Variants in AP1AR observed in about 807,000 individuals in gnomAD.
AP1AR encodes the protein AP-1 complex-associated regulatory protein.
In AP1AR, 29 loss-of-function variants were observed where a neutral mutation model predicts 46.3. The observed-to-expected ratio is 0.63, with a 90% CI of 0.47 to 0.85. The LOEUF (loss-of-function observed/expected upper bound fraction) is 0.85. Ranked by LOEUF, AP1AR falls within the 40% of genes least tolerant of loss-of-function variation. The pLI is 0.00. For missense variants in AP1AR, 357 were observed against 356.3 expected (o/e 1.00, Z -0.02); for synonymous variants, 122 against 122.9 (o/e 0.99, Z 0.05).
At chr4:112,252,752 A>G (rs561326633) in intron 1 of AP1AR, among the ~76,000 whole-genome samples, 6 of 152,374 alleles carry the variant, frequency 3.9e-5, no homozygotes, top group East Asian at 3.9e-4. Context: ...TTCCACCACC[A>G]AAGATAACTA....
chr4:112,268,713 T>C lies in AP1AR; in HGVS notation c.*304T>C, dbSNP rs904764346. 4.7e-6 allele frequency: 1 copy of C among 212,920 alleles called. No individual in the cohort carries two copies. Among genetic ancestry groups the C allele is most frequent in the African/African-American group, 2.3e-5 (1 of 43,828 alleles). The allele number at this position is 212,920 out of a possible 1,614,324, so 13.2% of individuals were successfully genotyped here. ...TACTATGGTAGATTTCCACTTTCAA[T>C]TTTTAAAATTAATTTTACTTTGAAT... On this transcript the variant is annotated 3_prime_UTR_variant, in exon 10 of 10. Transcript: ENST00000274000.
At chr4:112,262,455 G>A (rs1430087995) in intron 5 of AP1AR, among the ~76,000 whole-genome samples, 1 of 152,176 alleles carries the variant, frequency 6.6e-6, no homozygotes. Flanking sequence ...TATTACTAAA[G>A]CAGCTTATGT....
chr4:112,254,155 T>C (rs913797924), intron 2 of AP1AR, among the ~76,000 whole-genome samples: 2 of 152,228 alleles, frequency 1.3e-5, no homozygotes, highest in African/African-American at 4.8e-5. Context: ...TTTAGTGATA[T>C]AATAGTAATG....
At chr4:112,263,431 A>G (rs965379934) in intron 6 of AP1AR, among the ~76,000 whole-genome samples, 1 of 151,960 alleles carries the variant, frequency 6.6e-6, no homozygotes, top group Non-Finnish European at 1.5e-5. Flanking sequence ...CTAGCCTTTA[A>G]ATATAATTGG....
In AP1AR at chr4:112,269,151, CTT is replaced by C. The variant is rs1489951639; in HGVS notation, c.*744_*745del. 6.6e-6 allele frequency: 1 copy of C among 151,042 alleles called. No individual in the cohort carries two copies. Among genetic ancestry groups the C allele is most frequent in the African/African-American group, 2.4e-5 (1 of 41,018 alleles). The allele number at this position is 151,042 out of a possible 1,614,324, so 9.4% of individuals were successfully genotyped here. ...TTCATTTTACATGCCACTATATTGACTTTAATTGATATACAGTATTAAGTTTT... is the reference window on the plus strand; with the variant it reads ...TTCATTTTACATGCCACTATATTGACTAATTGATATACAGTATTAAGTTTT... On this transcript the variant is annotated 3_prime_UTR_variant, in exon 10 of 10. Transcript: ENST00000274000.
intron 1 of AP1AR, among the ~76,000 whole-genome samples, chr4:112,251,442 C>T (rs868482059): frequency 2.6e-5 from 4 of 152,188 alleles, no homozygotes; most frequent in African/African-American, 4.8e-5. Flanking sequence ...ACCTTGGTTT[C>T]GACAATGTTC....
chr4:112,263,218 ATTC>A (rs1012113475), intron 6 of AP1AR, 132 bp downstream of exon 6: 3 of 638,036 alleles, frequency 4.7e-6, no homozygotes, highest in African/African-American at 3.7e-5. Context: ...TTACCCATAT[ATTC>A]TTAAGAATTT....
At chr4:112,245,431 C>T (rs1725687874) in intron 1 of AP1AR, among the ~76,000 whole-genome samples, 1 of 152,144 alleles carries the variant, frequency 6.6e-6, no homozygotes, top group Non-Finnish European at 1.5e-5. Flanking sequence ...TATTTATCTA[C>T]ACTTGACCTT....
chr4:112,270,419 CAGTT>C lies in AP1AR; in HGVS notation c.*2013_*2016del, dbSNP rs774381754. The stretch of plus-strand genomic sequence containing the variant: ...ATACATGCAAGAAAATCACAGGTCA[CAGTT>C]AGAAAATATACAAGATTATAGGAGA... On this transcript the variant is annotated 3_prime_UTR_variant, in exon 10 of 10. Transcript: ENST00000274000. Among the ~76,000 whole-genome samples, 2 of 152,102 alleles carry C rather than the reference CAGTT, an allele frequency of 1.3e-5. No individual in the cohort carries two copies. The highest frequency in any genetic ancestry group is 2.9e-5 in the Non-Finnish European group (2 of 68,034).
intron 1 of AP1AR, among the ~76,000 whole-genome samples, chr4:112,248,199 A>C (rs1340305404): frequency 6.6e-6 from 1 of 152,220 alleles, no homozygotes; most frequent in Non-Finnish European, 1.5e-5. Flanking sequence ...TTTGTCTAAC[A>C]AATCAGTGGC....
Position 112,254,748 on chromosome 4 carries a change from T to G in AP1AR, c.134T>G (p.Phe45Cys), listed in dbSNP as rs776379226. 1 of 1,507,014 alleles carries G rather than the reference T, an allele frequency of 6.6e-7. No individual in the cohort carries two copies. 93.4% of individuals were successfully genotyped at this position (1,507,014 alleles called of 1,614,324 possible). Residue 45 changes from phenylalanine (F) to cysteine (C), a missense_variant and splice_region_variant, in exon 3 of 10, where the codon TTT becomes TGT. Phe to Cys is a radical substitution (Grantham distance 205, BLOSUM62 -2). Transcript: ENST00000274000. ...ACGCTTACTTTTTTGTCCTTTCAGT[T>G]TGAGAATCTAGTAGAAAGTGATGAA... ...CSRGEHLTIE[F>C]ENLVESDEGE...
At chr4:112,243,981 A>T (rs1429472984) in intron 1 of AP1AR, among the ~76,000 whole-genome samples, 1 of 152,298 alleles carries the variant, frequency 6.6e-6, no homozygotes, top group East Asian at 1.9e-4. Context: ...TTGATGTGAA[A>T]TGCAATCTAA....
At chr4:112,250,313 G>T (rs1725900003) in intron 1 of AP1AR, among the ~76,000 whole-genome samples, 1 of 152,182 alleles carries the variant, frequency 6.6e-6, no homozygotes, top group African/African-American at 2.4e-5. Context: ...AATATGGAAA[G>T]ATTTGAGTTT....
intron 1 of AP1AR, among the ~76,000 whole-genome samples, chr4:112,239,193 A>G (rs904916506): frequency 1.3e-5 from 2 of 152,196 alleles, no homozygotes; most frequent in East Asian, 3.9e-4. Context: ...AAGGAAAGCA[A>G]CATGAAACCT....
rs145829842 is a variant in AP1AR at position 112,268,326 on chromosome 4, G to A, written c.826G>A (p.Glu276Lys). 4.3e-5 allele frequency: 70 copies of A among 1,612,892 alleles called. No individual in the cohort carries two copies. In the African/African-American group the frequency reaches 4.5e-4, roughly 10 times the overall value. The part of the protein sequence containing the change: ...SAEMDDNGNS[E>K]YSGFVNPVLE... The stretch of plus-strand genomic sequence containing the variant: ...CGAAATGGATGATAATGGAAATTCC[G>A]AGTATTCTGGATTTGTAAATCCTGT... Residue 276 changes from glutamate (E) to lysine (K), a missense_variant, in exon 10 of 10, where the codon GAG (glutamate) becomes AAG (lysine). Physicochemically the swap from Glu to Lys is moderately conservative, Grantham distance 56. This residue lies in a region of AP1AR where 88 missense variants were observed against 132.7 expected (regional missense o/e 0.66). Coordinates refer to ENST00000274000, the MANE Select transcript of AP1AR (RefSeq NM_018569.6).
chr4:112,248,560 G>A (rs1037917629), intron 1 of AP1AR, among the ~76,000 whole-genome samples: 2 of 152,130 alleles, frequency 1.3e-5, no homozygotes, highest in African/African-American at 4.8e-5. Flanking sequence ...TGATCAGGAA[G>A]TAGTAACTTT....
chr4:112,232,442 A>G (rs1725055256), intron 1 of AP1AR, among the ~76,000 whole-genome samples: 1 of 152,226 alleles, frequency 6.6e-6, no homozygotes, highest in Non-Finnish European at 1.5e-5. Context: ...CACGGGAGAC[A>G]TCATCTCCAG....
chr4:112,261,517 G>A (rs779400375), intron 5 of AP1AR, among the ~76,000 whole-genome samples: 10 of 152,232 alleles, frequency 6.6e-5, no homozygotes, highest in African/African-American at 9.6e-5. Flanking sequence ...TTATCTTGGT[G>A]TATTTGTTCT....
In AP1AR at chr4:112,269,402, T is replaced by C. The variant is rs1726854694; in HGVS notation, c.*993T>C. 1 of 152,406 alleles carries C rather than the reference T, an allele frequency of 6.6e-6. No homozygotes were observed. Among genetic ancestry groups the C allele is most frequent in the Admixed American group, 6.6e-5 (1 of 15,252 alleles). The allele number at this position is 152,406 out of a possible 1,614,324, so 9.4% of individuals were successfully genotyped here. A position where few individuals can be genotyped will look rare whatever the true frequency, so the allele number is the denominator to read the frequency against. On this transcript the variant is annotated 3_prime_UTR_variant, in exon 10 of 10. Coordinates refer to ENST00000274000, the MANE Select transcript of AP1AR (RefSeq NM_018569.6). Reference sequence around the variant, plus strand: ...TGGGATAGAACTAAGCATATCAATATCTATAACTGCATTTTGTGCTAGACA... The same window carrying C: ...TGGGATAGAACTAAGCATATCAATACCTATAACTGCATTTTGTGCTAGACA...
Sources: gnomAD v4.1 joint callset for allele counts (sites outside exome capture counted in the v4.1 genomes callset) on GRCh38, gnomAD v4.1.1 for gene constraint, gnomAD v4.1.1 regional missense constraint, MANE v1.5 for transcripts, NCBI Gene and HGNC (gene_info 2026-07-23, HGNC 2026-07-21) for gene names.